Variants in FSTL5 observed in about 807,000 individuals in gnomAD.
The protein encoded by FSTL5 is follistatin like 5.
A neutral mutation model predicts 89.1 loss-of-function variants in FSTL5; 62 were observed. The observed-to-expected ratio is 0.70, with a 90% confidence interval of 0.57 to 0.86. The LOEUF (loss-of-function observed/expected upper bound fraction) is 0.86. FSTL5 is among the 40% of genes least tolerant of loss of function. FSTL5 has a pLI of 0.00. For synonymous variants in FSTL5, 383 were observed against 346.2 expected, an observed-to-expected ratio of 1.11 and a Z score of -1.18; for missense variants, 1,057 against 1,001.6, an observed-to-expected ratio of 1.06 and a Z score of -0.75.
chr4:161,397,021 G>A (rs1731026933), intron 15 of FSTL5, among the ~76,000 whole-genome samples: 1 of 152,106 alleles, frequency 6.6e-6, no homozygotes, highest in Admixed American at 6.6e-5. Context: ...TTAAGGATGG[G>A]AGTAGCACTT....
intron 4 of FSTL5, among the ~76,000 whole-genome samples, chr4:161,782,291 T>C (rs1448072757): frequency 6.6e-6 from 1 of 152,184 alleles, no homozygotes; most frequent in Non-Finnish European, 1.5e-5. Flanking sequence ...ATGGTAAGAA[T>C]ATATTTAGTT....
chr4:162,046,243 C>T (rs550772815), intron 2 of FSTL5, among the ~76,000 whole-genome samples: 2 of 152,168 alleles, frequency 1.3e-5, no homozygotes, highest in African/African-American at 4.8e-5. Context: ...TCTGGAAAGA[C>T]AAATAGCTAT....
At chr4:161,720,366 G>C (rs1432221987) in intron 6 of FSTL5, among the ~76,000 whole-genome samples, 2 of 152,176 alleles carry the variant, frequency 1.3e-5, no homozygotes, top group East Asian at 3.9e-4. Context: ...AAGATAATGA[G>C]TGTTGGCAAG....
chr4:161,393,986 GAAACGC>G (rs1730914631), intron 15 of FSTL5, among the ~76,000 whole-genome samples: 1 of 152,142 alleles, frequency 6.6e-6, no homozygotes, highest in Non-Finnish European at 1.5e-5. Flanking sequence ...TCTGGGGATG[GAAACGC>G]AAAACAGCAG....
rs528786570 is a variant in FSTL5 at position 161,723,532 on chromosome 4, T to C, written c.727+35879A>G. ...CCTTTGCTCCCCATTCATATTTCTA[T>C]ATCTCTTTATGAAAGGTACATTAAA... is the stretch of plus-strand genomic sequence containing the variant. On this transcript the variant is annotated intron_variant, in intron 6 of 15. Transcript: ENST00000306100. 3.9e-5 allele frequency among the ~76,000 whole-genome samples: 6 copies of C among 152,308 alleles called. No homozygotes were observed. In the East Asian group the frequency reaches 9.7e-4, roughly 25 times the overall value.
chr4:161,498,155 G>A (rs1282856067), intron 12 of FSTL5, among the ~76,000 whole-genome samples: 2 of 151,762 alleles, frequency 1.3e-5, no homozygotes, highest in Non-Finnish European at 2.9e-5. Context: ...AATAATATGT[G>A]TATACATAGA....
intron 8 of FSTL5, among the ~76,000 whole-genome samples, chr4:161,552,038 A>T (rs1732235194): frequency 6.6e-6 from 1 of 152,070 alleles, no homozygotes; most frequent in African/African-American, 2.4e-5. Flanking sequence ...TTACCATCAG[A>T]GTGAACAGGC....
At chr4:161,801,356 T>C (rs186358704) in intron 4 of FSTL5, among the ~76,000 whole-genome samples, 26 of 151,682 alleles carry the variant, frequency 1.7e-4, no homozygotes, top group African/African-American at 6.0e-4. Flanking sequence ...ATTCAATGCA[T>C]ATTTATTTTG....
At chr4:161,437,722 A>G (rs1173657430) in intron 15 of FSTL5, among the ~76,000 whole-genome samples, 1 of 152,138 alleles carries the variant, frequency 6.6e-6, no homozygotes, top group Non-Finnish European at 1.5e-5. Flanking sequence ...ATTAAAATGT[A>G]TGTGTTGGTG....
intron 15 of FSTL5, among the ~76,000 whole-genome samples, chr4:161,421,233 C>T (rs1193043846): frequency 1.3e-5 from 2 of 151,580 alleles, no homozygotes; most frequent in Non-Finnish European, 2.9e-5. Flanking sequence ...CCCAGCTACT[C>T]AGGAGGCTGA....
In FSTL5 at chr4:161,542,516, A is replaced by AT; in HGVS notation, c.1177+15_1177+16insA. ...AACATGGTCATTTAAGAGAAAAAAA[A>AT]GCAAGTAAAAAGCACCTTGAAGCGT... On this transcript the variant is annotated intron_variant, in intron 9 of 15. Transcript: ENST00000306100. 1 of 1,397,194 alleles carries AT rather than the reference A, an allele frequency of 7.2e-7. No individual in the cohort carries two copies. Among genetic ancestry groups the AT allele is most frequent in the Non-Finnish European group, 9.4e-7 (1 of 1,061,332 alleles). The allele number at this position is 1,397,194 out of a possible 1,614,324, so 86.5% of individuals were successfully genotyped here. A position where few individuals can be genotyped will look rare whatever the true frequency, so the allele number is the denominator to read the frequency against.
At chr4:161,606,757 T>G (rs374457069) in intron 7 of FSTL5, among the ~76,000 whole-genome samples, 4 of 152,178 alleles carry the variant, frequency 2.6e-5, no homozygotes, top group African/African-American at 9.7e-5. Context: ...GATGGTCAAT[T>G]GGATTCTGAA....
intron 1 of FSTL5, among the ~76,000 whole-genome samples, chr4:162,158,384 AG>A (rs1733565190): frequency 6.6e-6 from 1 of 152,110 alleles, no homozygotes; most frequent in Non-Finnish European, 1.5e-5. Flanking sequence ...AAACCCCTTA[AG>A]GTCTTTGGTA....
intron 5 of FSTL5, among the ~76,000 whole-genome samples, chr4:161,770,831 A>G (rs576062078): frequency 2.6e-4 from 40 of 152,084 alleles, no homozygotes; most frequent in Admixed American, 7.9e-4. Context: ...ATAAAGGCAT[A>G]GACACTACAT....
intron 12 of FSTL5, among the ~76,000 whole-genome samples, chr4:161,498,636 T>C (rs1730178201): frequency 6.6e-6 from 1 of 152,132 alleles, no homozygotes; most frequent in Non-Finnish European, 1.5e-5. Flanking sequence ...CTGCTAGTCC[T>C]GTAGAAATCA....
intron 4 of FSTL5, among the ~76,000 whole-genome samples, chr4:161,913,928 T>A (rs7661568): frequency 0.53 from 79,973 of 151,886 alleles, 21,493 homozygotes; most frequent in Middle Eastern, 0.69. Context: ...TTGTTTCAGA[T>A]GAGACTTTGG....
chr4:161,711,874 A>G (rs1738793069), intron 6 of FSTL5, among the ~76,000 whole-genome samples: 1 of 152,154 alleles, frequency 6.6e-6, no homozygotes, highest in African/African-American at 2.4e-5. Flanking sequence ...CGAAAAATAA[A>G]AGTACACGAC....
At chr4:161,995,721 C>T (rs2111090791) in intron 3 of FSTL5, among the ~76,000 whole-genome samples, 1 of 150,030 alleles carries the variant, frequency 6.7e-6, no homozygotes, top group East Asian at 1.9e-4. Context: ...AACTATGCCC[C>T]TGAATAAATT....
intron 3 of FSTL5, among the ~76,000 whole-genome samples, chr4:161,996,234 C>G (rs1037524713): frequency 6.6e-6 from 1 of 152,224 alleles, no homozygotes; most frequent in Non-Finnish European, 1.5e-5. Flanking sequence ...CCATTTTAAC[C>G]ATAAGCTATC....
Sources: allele counts gnomAD v4.1 joint callset (sites outside exome capture counted in the v4.1 genomes callset), GRCh38; gene constraint gnomAD v4.1.1; transcripts MANE v1.5; gene names NCBI Gene and HGNC (gene_info 2026-07-23, HGNC 2026-07-21).